The following CAMTA1 variants were observed in gnomAD, a reference collection of about 807,000 sequenced individuals.
CAMTA1 encodes the protein calmodulin-binding transcription activator 1.
CAMTA1 carries 27 observed loss-of-function variants against 170.9 expected under a neutral mutation model. The observed-to-expected ratio is 0.16, with a 90% CI of 0.12 to 0.22. CAMTA1 has a LOEUF of 0.22. Among genes scored for constraint, CAMTA1 ranks in the 10% least tolerant of loss-of-function variants. The probability of loss-of-function intolerance (pLI) is 1.00; values close to 1 mark genes in which losing one functional copy is unlikely to be tolerated. For synonymous variants in CAMTA1, 833 were observed against 891.5 expected, an observed-to-expected ratio of 0.93 and a Z score of 1.17; for missense variants, 1,619 against 2,217.2, an observed-to-expected ratio of 0.73 and a Z score of 5.42.
chr1:7,700,765 C>T (rs2096431023), intron 11 of CAMTA1: 1 of 152,222 alleles, frequency 6.6e-6, no homozygotes, highest in South Asian at 2.1e-4. Flanking sequence ...CACATGGTCA[C>T]ATCTAACTTC....
chr1:7,457,340 T>A (rs1346915446), intron 5 of CAMTA1, among the ~76,000 whole-genome samples: 2 of 152,102 alleles, frequency 1.3e-5, no homozygotes, highest in Non-Finnish European at 2.9e-5. Context: ...TCCTCACTCA[T>A]GTCGTCGTTA....
chr1:7,027,242 A>G (rs949806858), intron 3 of CAMTA1, among the ~76,000 whole-genome samples: 3 of 152,204 alleles, frequency 2.0e-5, no homozygotes, highest in African/African-American at 7.2e-5. Context: ...TTGGATACAC[A>G]CATCACTCAC....
At position 7,625,468 on chromosome 1, in the gene CAMTA1, G is replaced by T. The variant is rs150926949; in HGVS notation, c.511-14932G>T. On this transcript the variant is annotated intron_variant, in intron 6 of 22. Transcript: ENST00000303635. ...AAGCAGGATGCTTAGAGTTGCCCCT[G>T]CCCTGAGGAAGCTGGATGAAGCCAG... Among the ~76,000 whole-genome samples, 1,002 of 152,336 alleles carry T rather than the reference G, an allele frequency of 6.6e-3. 14 individuals are homozygous for T. Among genetic ancestry groups the T allele is most frequent in the African/African-American group, 0.023 (940 of 41,578 alleles).
intron 4 of CAMTA1, among the ~76,000 whole-genome samples, chr1:7,214,555 A>G (rs1659401073): frequency 6.6e-6 from 1 of 152,060 alleles, no homozygotes; most frequent in Non-Finnish European, 1.5e-5. Context: ...TTTAGTAGAG[A>G]CAGGGTTTCA....
intron 3 of CAMTA1, among the ~76,000 whole-genome samples, chr1:7,018,066 C>G (rs1454340188): frequency 7.1e-6 from 1 of 141,808 alleles, no homozygotes; most frequent in Non-Finnish European, 1.6e-5. Flanking sequence ...AGGGCTCAAG[C>G]CATCCTCCCG....
intron 5 of CAMTA1, among the ~76,000 whole-genome samples, chr1:7,382,961 A>G (rs982251598): frequency 2.6e-5 from 4 of 152,338 alleles, no homozygotes; most frequent in African/African-American, 9.6e-5. Flanking sequence ...TACAACCAGT[A>G]TCTATTTACT....
intron 3 of CAMTA1, among the ~76,000 whole-genome samples, chr1:6,972,108 C>T (rs6673655): frequency 0.35 from 53,013 of 151,954 alleles, 9,451 homozygotes; most frequent in East Asian, 0.58. Context: ...TTCTCATTTT[C>T]CTCCCAACAA....
intron 6 of CAMTA1, among the ~76,000 whole-genome samples, chr1:7,546,924 G>T (rs2094701665): frequency 6.6e-6 from 1 of 151,890 alleles, no homozygotes. Context: ...CTCATTTTCT[G>T]TTTGTAGTTA....
chr1:7,271,381 G>A (rs1435289677), intron 5 of CAMTA1, among the ~76,000 whole-genome samples: 1 of 152,114 alleles, frequency 6.6e-6, no homozygotes, highest in African/African-American at 2.4e-5. Context: ...TGTTGCTTAA[G>A]GCATGCAAGA....
intron 1 of CAMTA1, among the ~76,000 whole-genome samples, chr1:6,805,084 T>C (rs1238473193): frequency 6.6e-6 from 1 of 152,216 alleles, no homozygotes; most frequent in Non-Finnish European, 1.5e-5. Flanking sequence ...CTGTTTAACT[T>C]TTTGAGGAAC....
rs776868344 is a variant in CAMTA1 at position 7,113,828 on chromosome 1, T to G, written c.302+22457T>G. 1.3e-5 allele frequency among the ~76,000 whole-genome samples: 2 copies of G among 152,190 alleles called. No individual in the cohort carries two copies. The highest frequency in any genetic ancestry group is 2.4e-5 in the African/African-American group (1 of 41,454). On this transcript the variant is annotated intron_variant, in intron 4 of 22. Transcript: ENST00000303635. The surrounding 1 kb of genome is among the most constrained non-coding windows in gnomAD (Gnocchi z 4.5). The stretch of plus-strand genomic sequence containing the variant: ...GTGCCTGGCAGAAATGAAGTCACTT[T>G]GGTGAGTGAGGTTTTACTTCTCCGT...
chr1:6,892,600 T>C (rs1674753292), intron 3 of CAMTA1, among the ~76,000 whole-genome samples: 1 of 149,048 alleles, frequency 6.7e-6, no homozygotes, highest in Non-Finnish European at 1.5e-5. Flanking sequence ...TTCTTTTCTT[T>C]TTTTTTTTTT....
At chr1:7,373,042 A>T (rs2086594209) in intron 5 of CAMTA1, among the ~76,000 whole-genome samples, 2 of 152,130 alleles carry the variant, frequency 1.3e-5, no homozygotes, top group Non-Finnish European at 2.9e-5. Flanking sequence ...TTCCACCCCA[A>T]CATGTAGCCT....
chr1:7,208,053 C>T (rs546868317), intron 4 of CAMTA1, among the ~76,000 whole-genome samples: 1 of 152,388 alleles, frequency 6.6e-6, no homozygotes, highest in South Asian at 2.1e-4. Context: ...AAGCCTCTCT[C>T]TCCATGCTTG....
chr1:7,530,561 T>A (rs1266132909), intron 6 of CAMTA1, among the ~76,000 whole-genome samples: 17 of 151,624 alleles, frequency 1.1e-4, no homozygotes, highest in Admixed American at 1.1e-3. Flanking sequence ...TGAGGGAGGG[T>A]CTGAGAAGTT....
At chr1:7,100,690 T>A (rs1041828732) in intron 4 of CAMTA1, among the ~76,000 whole-genome samples, 1 of 152,220 alleles carries the variant, frequency 6.6e-6, no homozygotes, top group African/African-American at 2.4e-5. Flanking sequence ...GGCGCTGGCC[T>A]CCTGTCCACC....
chr1:7,290,803 T>C (rs967023997), intron 5 of CAMTA1, among the ~76,000 whole-genome samples: 7 of 152,120 alleles, frequency 4.6e-5, no homozygotes, highest in Non-Finnish European at 8.8e-5. Flanking sequence ...AAACTCCCAA[T>C]GAATAGAAAA....
chr1:7,006,197 A>T (rs564036220), intron 3 of CAMTA1, among the ~76,000 whole-genome samples: 1 of 152,206 alleles, frequency 6.6e-6, no homozygotes, highest in Non-Finnish European at 1.5e-5. Flanking sequence ...TCCCTGGGCA[A>T]TGGGATATCT....
chr1:6,803,314 A>G lies in CAMTA1; in HGVS notation c.46-16867A>G, dbSNP rs193047548. On this transcript the variant is annotated intron_variant, in intron 1 of 22. Transcript: ENST00000303635. The stretch of plus-strand genomic sequence containing the variant: ...TCAGAATGGGTAGAAAGCAGAAAAC[A>G]AGCGGGGAAGAAAACAGAAAACAGC... Among the ~76,000 whole-genome samples the G allele has an allele frequency of 2.7e-3, 404 of 152,340 alleles. 1 individual carries two copies. Among genetic ancestry groups the G allele is most frequent in the African/African-American group, 9.4e-3 (392 of 41,578 alleles).
Sources: allele counts gnomAD v4.1 joint callset (sites outside exome capture counted in the v4.1 genomes callset), GRCh38; gene constraint gnomAD v4.1.1; non-coding constraint Gnocchi (gnomAD v3.1); transcripts MANE v1.5; gene names NCBI Gene and HGNC (gene_info 2026-07-23, HGNC 2026-07-21).